Variants in HERC2 observed in about 807,000 individuals in gnomAD.
HERC2 encodes E3 ubiquitin-protein ligase HERC2.
In HERC2, 102 loss-of-function variants were observed where a neutral mutation model predicts 537.7. The observed-to-expected ratio is 0.19, with a 90% CI of 0.16 to 0.22. The LOEUF (loss-of-function observed/expected upper bound fraction) is 0.22, where lower values mean the gene tolerates loss of function less well. Among genes scored for constraint, HERC2 ranks in the 10% least tolerant of loss-of-function variants. HERC2 has a pLI of 1.00. For missense variants in HERC2, 4,236 were observed against 6,198.2 expected, an observed-to-expected ratio of 0.68 and a Z score of 10.63; for synonymous variants, 2,224 against 2,466.2, an observed-to-expected ratio of 0.90 and a Z score of 2.91.
chr15:28,240,297 A>G (rs1319153105), intron 23 of HERC2, among the ~76,000 whole-genome samples: 1 of 152,212 alleles, frequency 6.6e-6, no homozygotes, highest in South Asian at 2.1e-4. Context: ...AGGCGCCTGT[A>G]GTCCCAGCTA....
In HERC2 at chr15:28,298,131, TTC is replaced by T. The variant is rs2076520218; in HGVS notation, c.187+1269_187+1270del. 5.3e-5 allele frequency among the ~76,000 whole-genome samples: 8 copies of T among 151,592 alleles called. No homozygotes were observed. In the South Asian group the frequency reaches 1.7e-3, roughly 32 times the overall value. ...AACTGAAAAGGGAGACTAATACTTTTTCCCATGGTTTGTTTTGTGTTTTTTGT... is the reference window on the plus strand; with the variant it reads ...AACTGAAAAGGGAGACTAATACTTTTCCATGGTTTGTTTTGTGTTTTTTGT... On this transcript the variant is annotated intron_variant, in intron 3 of 92. Coordinates refer to ENST00000261609, the MANE Select transcript of HERC2 (RefSeq NM_004667.6).
At chr15:28,229,991 A>G in intron 31 of HERC2, 144 bp from the exon 32 acceptor site, 2 of 698,582 alleles carry the variant, frequency 2.9e-6, no homozygotes, top group Non-Finnish European at 5.0e-6. Context: ...AAACTATGCT[A>G]TAAATATACT....
In HERC2 at chr15:28,246,857, G is replaced by A. The variant is rs766333535; in HGVS notation, c.3276C>T (p.Tyr1092=). Reference sequence around the variant, plus strand: ...CAATGTGCGTGCACAGGAGGGCTGTGTACTTCTTCAGCAAGGAACCAACAC... The same window carrying A: ...CAATGTGCGTGCACAGGAGGGCTGTATACTTCTTCAGCAAGGAACCAACAC... ...LMGVGSLLKK[Y]TALLCTHIGD... The change falls in exon 22 of 93, where the codon TAC becomes TAT. Residue 1092 remains tyrosine (Y), a synonymous_variant. Coordinates refer to ENST00000261609, the MANE Select transcript of HERC2 (RefSeq NM_004667.6). 1.4e-5 allele frequency: 23 copies of A among 1,611,050 alleles called. No individual in the cohort carries two copies. Among genetic ancestry groups the A allele is most frequent in the Non-Finnish European group, 1.8e-5 (21 of 1,178,982 alleles).
intron 48 of HERC2, among the ~76,000 whole-genome samples, chr15:28,199,144 C>A (rs1178030969): frequency 6.7e-6 from 1 of 149,984 alleles, no homozygotes; most frequent in Non-Finnish European, 1.5e-5. Flanking sequence ...GAGACCCCAT[C>A]TCAAAAAAAA....
chr15:28,265,834 T>C lies in HERC2; in HGVS notation c.1739A>G (p.Tyr580Cys). The change falls in exon 13 of 93, where the codon TAC (tyrosine) becomes TGC (cysteine). Residue 580 changes from tyrosine (Y) to cysteine (C), a missense_variant. Transcript: ENST00000261609. The surrounding 1 kb of genome is among the most constrained non-coding windows in gnomAD (Gnocchi z 4.0). ...AGACGTACCATGGCCCAGCCGGCCGTAGTTCCCGCGGCCCCAGGTGTACAG... is the reference window on the plus strand; with the variant it reads ...AGACGTACCATGGCCCAGCCGGCCGCAGTTCCCGCGGCCCCAGGTGTACAG... The part of the protein sequence containing the change: ...GELYTWGRGN[Y>C]GRLGHGSSED... The C allele has an allele frequency of 6.2e-7, 1 of 1,614,162 alleles. No homozygotes were observed. The highest frequency in any genetic ancestry group is 8.5e-7 in the Non-Finnish European group (1 of 1,180,036).
intron 92 of HERC2, among the ~76,000 whole-genome samples, chr15:28,112,441 C>T (rs1566902774): frequency 6.6e-6 from 1 of 152,216 alleles, no homozygotes; most frequent in Non-Finnish European, 1.5e-5. Flanking sequence ...AATTACTGAC[C>T]TTCTAAGATA....
At chr15:28,214,547 A>G in intron 40 of HERC2, 108 bp downstream of exon 40, 2 of 1,342,092 alleles carry the variant, frequency 1.5e-6, no homozygotes, top group Admixed American at 3.6e-5. Context: ...GAGTGACGGC[A>G]CTGCGCCGCT....
chr15:28,129,131 T>G (rs941014551), intron 83 of HERC2, among the ~76,000 whole-genome samples: 21 of 152,198 alleles, frequency 1.4e-4, no homozygotes, highest in Admixed American at 1.3e-3. Flanking sequence ...GCCATTGTGT[T>G]GGGGTTCCCC....
chr15:28,310,036 G>A (rs1567150701), intron 2 of HERC2, among the ~76,000 whole-genome samples: 2 of 152,196 alleles, frequency 1.3e-5, no homozygotes, highest in African/African-American at 2.4e-5. Flanking sequence ...CAGGTAGAGT[G>A]ACTCACATCT....
At chr15:28,134,373 A>G (rs1341058939) in intron 79 of HERC2, among the ~76,000 whole-genome samples, 5 of 152,190 alleles carry the variant, frequency 3.3e-5, no homozygotes, top group Non-Finnish European at 7.4e-5. Flanking sequence ...TTTTGTAAAT[A>G]CCACCAGGTT....
chr15:28,116,937 T>G, intron 87 of HERC2, 76 bp downstream of exon 87: 1 of 1,611,168 alleles, frequency 6.2e-7, no homozygotes, highest in Admixed American at 1.7e-5. Context: ...CCACACCATG[T>G]GGCCTCTGTG....
chr15:28,294,242 G>A (rs938616191), intron 3 of HERC2, among the ~76,000 whole-genome samples: 1 of 152,030 alleles, frequency 6.6e-6, no homozygotes, highest in African/African-American at 2.4e-5. Context: ...GAGAGAAAAG[G>A]TGAATGCTGA....
Position 28,222,557 on chromosome 15 carries a change from T to G in HERC2, c.5465-342A>C, listed in dbSNP as rs185410604. Among the ~76,000 whole-genome samples the G allele has an allele frequency of 3.9e-5, 6 of 152,296 alleles. No homozygotes were observed. The East Asian group carries it at 1.2e-3, about 29-fold the overall frequency. ...TTATTAATAGAAAAACAAAGATAAC[T>G]ACCTAAATATCTAACAGTGGGAAAC... On this transcript the variant is annotated intron_variant, in intron 35 of 92. Coordinates refer to ENST00000261609, the MANE Select transcript of HERC2 (RefSeq NM_004667.6).
intron 2 of HERC2, among the ~76,000 whole-genome samples, chr15:28,314,230 T>C (rs565738317): frequency 2.7e-5 from 4 of 147,392 alleles, no homozygotes; most frequent in Non-Finnish European, 6.0e-5. Context: ...AAAAAAAAAA[T>C]AGAAGTCAAC....
chr15:28,260,195 G>T (rs1596340337), intron 16 of HERC2, among the ~76,000 whole-genome samples: 1 of 151,728 alleles, frequency 6.6e-6, no homozygotes, highest in South Asian at 2.1e-4. Context: ...AAAAAAAAAT[G>T]TTTAAGAAAA....
intron 2 of HERC2, among the ~76,000 whole-genome samples, chr15:28,316,728 G>C (rs1202069495): frequency 6.6e-6 from 1 of 152,176 alleles, no homozygotes; most frequent in Non-Finnish European, 1.5e-5. Context: ...CTGAAAGCCT[G>C]AGAACAGAAT....
At chr15:28,208,324 C>T (rs1413232081) in intron 44 of HERC2, among the ~76,000 whole-genome samples, 1 of 152,106 alleles carries the variant, frequency 6.6e-6, no homozygotes, top group African/African-American at 2.4e-5. Flanking sequence ...AGTCACCTTC[C>T]ACTTTTTGCT....
intron 2 of HERC2, among the ~76,000 whole-genome samples, chr15:28,303,837 G>C (rs936861328): frequency 6.6e-6 from 1 of 152,000 alleles, no homozygotes; most frequent in African/African-American, 2.4e-5. Flanking sequence ...TATTTTTCTT[G>C]ATTTTTCATA....
At chr15:28,210,326 G>C (rs184654245) in intron 44 of HERC2, among the ~76,000 whole-genome samples, 38 of 152,024 alleles carry the variant, frequency 2.5e-4, no homozygotes, top group African/African-American at 8.9e-4. Context: ...GTAGAAATGG[G>C]GTTTCACCAT....
Sources: gnomAD v4.1 joint callset for allele counts (sites outside exome capture counted in the v4.1 genomes callset) on GRCh38, gnomAD v4.1.1 for gene constraint, Gnocchi (gnomAD v3.1) non-coding constraint, MANE v1.5 for transcripts, NCBI Gene and HGNC (gene_info 2026-07-23, HGNC 2026-07-21) for gene names.